Variants in CACNA1G observed in about 807,000 individuals in gnomAD.
CACNA1G encodes calcium voltage-gated channel subunit alpha1 G.
In CACNA1G, 67 loss-of-function variants were observed where a neutral mutation model predicts 219.4. The observed-to-expected ratio is 0.31, with a 90% CI of 0.25 to 0.37. The LOEUF is 0.37. CACNA1G is among the 10% of genes least tolerant of loss of function. The pLI is 1.00. For missense variants in CACNA1G, 2,380 were observed against 3,231.4 expected (o/e 0.74, Z 6.39); for synonymous variants, 1,296 against 1,345.3 (o/e 0.96, Z 0.80).
At chr17:50,604,327 G>A in intron 22 of CACNA1G, 46 bp downstream of exon 22, 1 of 1,601,428 alleles carries the variant, frequency 6.2e-7, no homozygotes, top group Non-Finnish European at 8.5e-7. Flanking sequence ...GCCTGAAGAG[G>A]GCCCTTCCCC....
At position 50,626,420 on chromosome 17, in the gene CACNA1G, A is replaced by G; in HGVS notation, c.6803A>G (p.His2268Arg). ...PTSWLDEQRR[H>R]SIAVSCLDSG... Reference sequence around the variant, plus strand: ...TCCTGGCTGGATGAGCAGAGGAGACACTCTATCGCCGTCAGCTGCCTGGAC... The same window carrying G: ...TCCTGGCTGGATGAGCAGAGGAGACGCTCTATCGCCGTCAGCTGCCTGGAC... The change falls in exon 38 of 38, where the codon CAC becomes CGC. Residue 2268 changes from histidine (H) to arginine (R), a missense_variant. By Grantham distance (29) the His-to-Arg change is conservative. Transcript: ENST00000359106. The surrounding 1 kb of genome is among the most constrained non-coding windows in gnomAD (Gnocchi z 4.3). The G allele has an allele frequency of 6.2e-7, 1 of 1,609,302 alleles. No homozygotes were observed. Among genetic ancestry groups the G allele is most frequent in the Non-Finnish European group, 8.5e-7 (1 of 1,178,390 alleles).
intron 3 of CACNA1G, among the ~76,000 whole-genome samples, chr17:50,569,500 C>T (rs867451417): frequency 1.3e-5 from 2 of 152,058 alleles, no homozygotes; most frequent in South Asian, 2.1e-4. Flanking sequence ...CCTAATTCTG[C>T]CCCCTTCTCT....
chr17:50,594,848 C>A, intron 13 of CACNA1G, 145 bp from the exon 14 acceptor site: 1 of 617,630 alleles, frequency 1.6e-6, no homozygotes, highest in Non-Finnish European at 2.9e-6. Context: ...CCCCTCTCTG[C>A]CCCCCCATTC....
chr17:50,589,418 T>C (rs1286708847), intron 9 of CACNA1G, among the ~76,000 whole-genome samples: 2 of 152,228 alleles, frequency 1.3e-5, no homozygotes, highest in Non-Finnish European at 2.9e-5. Flanking sequence ...CTGAAGCATT[T>C]AAGGCCTCTT....
intron 24 of CACNA1G, 107 bp downstream of exon 24, chr17:50,607,096 C>A: frequency 1.1e-6 from 1 of 877,352 alleles, no homozygotes; most frequent in Non-Finnish European, 1.9e-6. Flanking sequence ...ATGAAAGAAG[C>A]ATCATATTTT....
chr17:50,618,718 T>C lies in CACNA1G; in HGVS notation c.5491T>C (p.Phe1831Leu). Residue 1831 changes from phenylalanine to leucine, a missense_variant, in exon 33 of 38, where the codon TTT becomes CTT. By Grantham distance (22) the Phe-to-Leu change is conservative. Around this residue, in one of 17 missense-constraint regions of CACNA1G, gnomAD observed 33 missense variants for 70.2 expected, o/e 0.47. Coordinates refer to ENST00000359106, the MANE Select transcript of CACNA1G (RefSeq NM_018896.5). The surrounding 1 kb of genome is among the most constrained non-coding windows in gnomAD (Gnocchi z 5.3). Reference protein sequence around the residue: ...CYNTVISPIYFVSFVLTAQFV... With the variant: ...CYNTVISPIYLVSFVLTAQFV... ...CAACACGGTCATCTCGCCTATCTAC[T>C]TTGTGTCCTTCGTGCTGACGGCCCA... The C allele has an allele frequency of 6.2e-7, 1 of 1,613,958 alleles. No homozygotes were observed. Among genetic ancestry groups the C allele is most frequent in the Non-Finnish European group, 8.5e-7 (1 of 1,179,868 alleles).
At position 50,626,972 on chromosome 17, in the gene CACNA1G, G is replaced by A; in HGVS notation, c.*221G>A. 1 of 696,334 alleles carries A rather than the reference G, an allele frequency of 1.4e-6. No homozygotes were observed. Among genetic ancestry groups the A allele is most frequent in the South Asian group, 1.5e-5 (1 of 67,372 alleles). 43.1% of individuals were successfully genotyped at this position (696,334 alleles called of 1,614,324 possible). ...CTCCAGGCAGAAGGAGAGGCCCGGT[G>A]CAGCTGAGGTTCCCGACACCAGAAG... On this transcript the variant is annotated 3_prime_UTR_variant, in exon 38 of 38. Transcript: ENST00000359106. The surrounding 1 kb of genome is among the most constrained non-coding windows in gnomAD (Gnocchi z 4.3).
At chr17:50,616,509 C>A (rs1285763495) in intron 28 of CACNA1G, 125 bp downstream of exon 28, 6 of 590,436 alleles carry the variant, frequency 1.0e-5, no homozygotes, top group Middle Eastern at 3.4e-4. Flanking sequence ...CAGCCCCCAC[C>A]CTGTGGCTGA....
chr17:50,589,814 A>T (rs1010586731), intron 9 of CACNA1G, among the ~76,000 whole-genome samples: 19 of 151,846 alleles, frequency 1.3e-4, no homozygotes, highest in African/African-American at 4.6e-4. Flanking sequence ...GTGTCTCCTC[A>T]ACTGTGACAA....
At chr17:50,570,554 G>GCT (rs1337592289) in intron 4 of CACNA1G, among the ~76,000 whole-genome samples, 1 of 38,336 alleles carries the variant, frequency 2.6e-5, no homozygotes, top group Non-Finnish European at 5.3e-5. Flanking sequence ...AGCCCCCTGC[G>GCT]CTCTGTGTGT....
Position 50,581,444 on chromosome 17 carries a change from G to T in CACNA1G, c.2301+2880G>T, listed in dbSNP as rs531206251. On this transcript the variant is annotated intron_variant, in intron 9 of 37. Transcript: ENST00000359106. ...TGTTGCTGGTGCTTTGCCAGAGGAG[G>T]AGTCCCTGCCCTCCCTCCTGGCCGT... Among the ~76,000 whole-genome samples the T allele has an allele frequency of 1.8e-3, 272 of 152,176 alleles. 1 individual carries two copies. The highest frequency in any genetic ancestry group is 2.3e-3 in the Non-Finnish European group (154 of 67,976).
intron 10 of CACNA1G, 28 bp from the exon 11 acceptor site, chr17:50,591,407 G>T: frequency 6.6e-7 from 1 of 1,510,068 alleles, no homozygotes; most frequent in Non-Finnish European, 8.9e-7. Flanking sequence ...AAGGTGCAGG[G>T]GGCTCAGGCT....
At chr17:50,615,798 T>C (rs2050421525) in intron 27 of CACNA1G, among the ~76,000 whole-genome samples, 1 of 152,252 alleles carries the variant, frequency 6.6e-6, no homozygotes, top group African/African-American at 2.4e-5. Flanking sequence ...AGCTGCGCTC[T>C]GGATCTTTGA....
Position 50,596,772 on chromosome 17 carries a change from T to G in CACNA1G, c.3107T>G (p.Leu1036Arg), listed in dbSNP as rs761732446. Residue 1036 changes from leucine to arginine, a missense_variant, in exon 16 of 38, where the codon CTG becomes CGG. Physicochemically the swap from Leu to Arg is moderately radical, Grantham distance 102 (BLOSUM62 -2). Around this residue, in one of 17 missense-constraint regions of CACNA1G, gnomAD observed 418 missense variants for 434.3 expected, o/e 0.96. Transcript: ENST00000359106. The surrounding 1 kb of genome is among the most constrained non-coding windows in gnomAD (Gnocchi z 4.8). ...GEHPELRKSLLPPLIIHTAAT... is the reference protein window; with the variant it reads ...GEHPELRKSLRPPLIIHTAAT... ...CACCCGGAGCTGCGGAAGAGCCTGC[T>G]GCCGCCTCTCATCATCCACACGGCC... The G allele has an allele frequency of 1.9e-5, 30 of 1,612,612 alleles. No homozygotes were observed. Among genetic ancestry groups the G allele is most frequent in the South Asian group, 8.8e-5 (8 of 91,012 alleles).
chr17:50,609,963 C>T (rs373145852), intron 26 of CACNA1G, 28 bp downstream of exon 26: 14 of 1,596,508 alleles, frequency 8.8e-6, no homozygotes, highest in African/African-American at 6.7e-5. Flanking sequence ...TGGGCTCATG[C>T]GTGTGGGGAC....
chr17:50,569,688 T>G lies in CACNA1G; in HGVS notation c.489-18T>G. 1 of 1,539,684 alleles carries G rather than the reference T, an allele frequency of 6.5e-7. No homozygotes were observed. The highest frequency in any genetic ancestry group is 8.8e-7 in the Non-Finnish European group (1 of 1,138,392). On this transcript the variant is annotated intron_variant, in intron 3 of 37. Transcript: ENST00000359106. ...GGCCTCAGACTCAAAGGGCCTCCCTTTGGGCCCCTCCCTGCAGGATGCTGG... is the reference window on the plus strand; with the variant it reads ...GGCCTCAGACTCAAAGGGCCTCCCTGTGGGCCCCTCCCTGCAGGATGCTGG...
chr17:50,576,458 C>G (rs1252966393), intron 8 of CACNA1G, 132 bp downstream of exon 8: 1 of 861,008 alleles, frequency 1.2e-6, no homozygotes, highest in African/African-American at 1.7e-5. Context: ...GGCTTAGGCA[C>G]CTTCAACCAG....
At position 50,627,138 on chromosome 17, in the gene CACNA1G, A is replaced by G; in HGVS notation, c.*387A>G. The G allele has an allele frequency of 2.2e-6, 1 of 460,458 alleles. No individual in the cohort carries two copies. The highest frequency in any genetic ancestry group is 4.3e-6 in the Non-Finnish European group (1 of 231,216). 28.5% of individuals were successfully genotyped at this position (460,458 alleles called of 1,614,324 possible). The stretch of plus-strand genomic sequence containing the variant: ...TTCCTTCTACTTTTATGTGTCTCAG[A>G]ATATTTTTGAGGCGAAGGCGTCTGT... On this transcript the variant is annotated 3_prime_UTR_variant, in exon 38 of 38. Transcript: ENST00000359106.
chr17:50,566,320 A>T (rs2037844028), intron 1 of CACNA1G, among the ~76,000 whole-genome samples: 1 of 142,754 alleles, frequency 7.0e-6, no homozygotes, highest in Non-Finnish European at 1.5e-5. Flanking sequence ...CCCCCCCATC[A>T]ATTATTCCTC....
Sources: allele counts gnomAD v4.1 joint callset (sites outside exome capture counted in the v4.1 genomes callset), GRCh38; gene constraint gnomAD v4.1.1; regional missense constraint gnomAD v4.1.1; non-coding constraint Gnocchi (gnomAD v3.1); transcripts MANE v1.5; gene names NCBI Gene and HGNC (gene_info 2026-07-23, HGNC 2026-07-21).